The following PARP8 variants were observed in gnomAD, a reference collection of about 807,000 sequenced individuals.
PARP8 encodes the protein poly(ADP-ribose) polymerase family member 8, also known as protein mono-ADP-ribosyltransferase PARP8.
A neutral mutation model predicts 124.1 loss-of-function variants in PARP8; 51 were observed. That is an observed-to-expected ratio of 0.41 (90% confidence interval 0.33 to 0.52). The LOEUF (loss-of-function observed/expected upper bound fraction) is 0.52. Among genes scored for constraint, PARP8 ranks in the 20% least tolerant of loss-of-function variants. The pLI is 0.21. For synonymous variants in PARP8, 391 were observed against 361.5 expected, an observed-to-expected ratio of 1.08 and a Z score of -0.93; for missense variants, 860 against 1,018.9, an observed-to-expected ratio of 0.84 and a Z score of 2.12.
chr5:50,718,301 G>T (rs1755524869), intron 2 of PARP8, among the ~76,000 whole-genome samples: 2 of 152,016 alleles, frequency 1.3e-5, no homozygotes, highest in Non-Finnish European at 1.5e-5. Context: ...AACAATACAG[G>T]TAAATTAACC....
intron 7 of PARP8, among the ~76,000 whole-genome samples, chr5:50,768,992 C>G (rs1044891376): frequency 6.6e-6 from 1 of 152,156 alleles, no homozygotes; most frequent in Non-Finnish European, 1.5e-5. Flanking sequence ...TAATTGCAAA[C>G]CTTTAGGCCT....
intron 2 of PARP8, among the ~76,000 whole-genome samples, chr5:50,742,755 A>C (rs1758178877): frequency 6.6e-6 from 1 of 152,142 alleles, no homozygotes. Context: ...CCTTAGTTTC[A>C]TTGTCCTTTC....
intron 18 of PARP8, 98 bp downstream of exon 18, chr5:50,825,073 C>A: frequency 1.0e-6 from 1 of 982,074 alleles, no homozygotes; most frequent in Non-Finnish European, 1.6e-6. Flanking sequence ...ACCTGTCTTA[C>A]AAGCCCTGCA....
chr5:50,785,742 T>C (rs375718195), intron 9 of PARP8, among the ~76,000 whole-genome samples: 1 of 152,184 alleles, frequency 6.6e-6, no homozygotes, highest in Non-Finnish European at 1.5e-5. Context: ...CCTTGATTGA[T>C]GGAGCATTTG....
Position 50,794,877 on chromosome 5 carries a change from T to C in PARP8, c.888T>C (p.Gly296=), listed in dbSNP as rs758187451. ...LRRSPSYPPP[G]CGKSKSKLKS... is the part of the protein sequence containing the mutation. Reference sequence around the variant, plus strand: ...GGTCGCCAAGTTATCCTCCCCCTGGTTGTGGCAAAAGCAAATCCAAACTGA... The same window carrying C: ...GGTCGCCAAGTTATCCTCCCCCTGGCTGTGGCAAAAGCAAATCCAAACTGA... The change falls in exon 12 of 26, where the codon GGT becomes GGC. Residue 296 remains glycine, a synonymous_variant. Coordinates refer to ENST00000281631, the MANE Select transcript of PARP8 (RefSeq NM_024615.4). The C allele has an allele frequency of 6.2e-6, 10 of 1,613,942 alleles. 1 individual carries two copies. The South Asian group carries it at 1.1e-4, about 18-fold the overall frequency.
intron 25 of PARP8, among the ~76,000 whole-genome samples, chr5:50,841,039 T>G (rs544277289): frequency 6.6e-6 from 1 of 152,052 alleles, no homozygotes; most frequent in East Asian, 1.9e-4. Flanking sequence ...CTCTGCTGTA[T>G]GTCATCTTTT....
intron 2 of PARP8, among the ~76,000 whole-genome samples, chr5:50,720,049 A>G (rs540981497): frequency 2.6e-5 from 4 of 152,236 alleles, no homozygotes; most frequent in African/African-American, 7.2e-5. Flanking sequence ...ATGAGTCCCA[A>G]CAACCACAAT....
intron 2 of PARP8, among the ~76,000 whole-genome samples, chr5:50,742,641 G>C (rs1758165784): frequency 6.6e-6 from 1 of 152,190 alleles, no homozygotes; most frequent in Non-Finnish European, 1.5e-5. Context: ...AAAACAACTA[G>C]GAAGAAAAAG....
intron 9 of PARP8, among the ~76,000 whole-genome samples, chr5:50,788,173 T>C (rs528657279): frequency 6.1e-5 from 9 of 146,576 alleles, no homozygotes; most frequent in Non-Finnish European, 1.0e-4. Context: ...ACATATATTA[T>C]ACATTAATAT....
chr5:50,667,525 G>A, intron 1 of PARP8: 1 of 700,140 alleles, frequency 1.4e-6, no homozygotes, highest in Non-Finnish European at 2.6e-6. Flanking sequence ...CAGCAGCGGC[G>A]GCAGAGCGGG....
At chr5:50,809,024 TAA>T (rs34641320) in intron 14 of PARP8, among the ~76,000 whole-genome samples, 2 of 151,512 alleles carry the variant, frequency 1.3e-5, no homozygotes, top group Non-Finnish European at 2.9e-5. Context: ...AAACATGGTT[TAA>T]AAAAAAATCC....
chr5:50,810,779 C>A (rs1580419475), intron 14 of PARP8, among the ~76,000 whole-genome samples: 1 of 152,034 alleles, frequency 6.6e-6, no homozygotes, highest in East Asian at 1.9e-4. Context: ...TTACGTCTTA[C>A]ATCTTAAATA....
chr5:50,720,127 C>G lies in PARP8; in HGVS notation c.147-30024C>G, dbSNP rs533439147. Among the ~76,000 whole-genome samples the G allele has an allele frequency of 1.1e-3, 172 of 152,148 alleles. 1 individual carries two copies. The highest frequency in any genetic ancestry group is 4.0e-3 in the African/African-American group (167 of 41,540). ...TTTAGGAAATCTTCCTTTATTGCTT[C>G]TTATATAATGAAAGCATCCTTATAT... On this transcript the variant is annotated intron_variant, in intron 2 of 25. Coordinates refer to ENST00000281631, the MANE Select transcript of PARP8 (RefSeq NM_024615.4).
intron 2 of PARP8, among the ~76,000 whole-genome samples, chr5:50,704,206 G>C (rs555051373): frequency 6.6e-6 from 1 of 151,952 alleles, no homozygotes; most frequent in South Asian, 2.1e-4. Context: ...TCTAAGTCCC[G>C]AGAGATGTGA....
chr5:50,829,776 G>A (rs990588134), intron 21 of PARP8, 116 bp from the exon 22 acceptor site: 12 of 991,958 alleles, frequency 1.2e-5, no homozygotes, highest in Middle Eastern at 2.2e-4. Flanking sequence ...TGGAATAGAA[G>A]CTCTGTCATT....
chr5:50,716,448 CA>C (rs1405302004), intron 2 of PARP8, among the ~76,000 whole-genome samples: 1 of 152,036 alleles, frequency 6.6e-6, no homozygotes, highest in Non-Finnish European at 1.5e-5. Context: ...GAATTAAGAA[CA>C]AAAAGTAGAT....
Position 50,708,064 on chromosome 5 carries a change from A to C in PARP8, c.146+39939A>C, listed in dbSNP as rs1008888319. Among the ~76,000 whole-genome samples, 51 of 152,202 alleles carry C rather than the reference A, an allele frequency of 3.4e-4. 1 individual carries two copies. Among genetic ancestry groups the C allele is most frequent in the African/African-American group, 1.2e-3 (51 of 41,558 alleles). Reference sequence around the variant, plus strand: ...CTTTTTATTTTTCCTATAGTTAAAAATTGCTTATCATTTTTCCCATTAGCT... The same window carrying C: ...CTTTTTATTTTTCCTATAGTTAAAACTTGCTTATCATTTTTCCCATTAGCT... On this transcript the variant is annotated intron_variant, in intron 2 of 25. Coordinates refer to ENST00000281631, the MANE Select transcript of PARP8 (RefSeq NM_024615.4).
intron 2 of PARP8, among the ~76,000 whole-genome samples, chr5:50,684,405 A>G (rs1435329215): frequency 6.6e-6 from 1 of 150,470 alleles, no homozygotes; most frequent in Non-Finnish European, 1.5e-5. Flanking sequence ...GCAGTCTTAG[A>G]TGAAAATCTG....
intron 9 of PARP8, among the ~76,000 whole-genome samples, chr5:50,784,348 G>C (rs1741002819): frequency 6.6e-6 from 1 of 152,068 alleles, no homozygotes. Context: ...TATATATGGG[G>C]AAATATGCTT....
Sources: allele counts gnomAD v4.1 joint callset (sites outside exome capture counted in the v4.1 genomes callset), GRCh38; gene constraint gnomAD v4.1.1; transcripts MANE v1.5; gene names NCBI Gene and HGNC (gene_info 2026-07-23, HGNC 2026-07-21).